The following ERC1 variants were observed in gnomAD, a reference collection of about 807,000 sequenced individuals.
ERC1 encodes ELKS/RAB6-interacting/CAST family member 1, also known as RAB6 interacting protein 2.
ERC1 carries 56 observed loss-of-function variants against 132.0 expected under a neutral mutation model. The observed-to-expected ratio is 0.42, with a 90% CI of 0.34 to 0.53. ERC1 has a LOEUF of 0.53. ERC1 is among the 20% of genes least tolerant of loss of function. The pLI, the probability that ERC1 is intolerant of heterozygous loss-of-function variation, is 0.03. For synonymous variants in ERC1, 478 were observed against 476.1 expected, an observed-to-expected ratio of 1.00 and a Z score of -0.05; for missense variants, 1,202 against 1,349.9, an observed-to-expected ratio of 0.89 and a Z score of 1.72.
intron 18 of ERC1, chr12:1,480,724 AGGTGTGGGAGGG>A (rs1294163374): frequency 7.8e-6 from 5 of 644,938 alleles, no homozygotes; most frequent in Non-Finnish European, 1.4e-5. Context: ...GAAGATAAGC[AGGTGTGGGAGGG>A]GGTGTGGGTA....
chr12:1,323,281 A>T (rs1484486630), intron 15 of ERC1, among the ~76,000 whole-genome samples: 4 of 152,172 alleles, frequency 2.6e-5, no homozygotes, highest in African/African-American at 9.7e-5. Flanking sequence ...TACAACCAAA[A>T]GTATTGTGTT....
intron 16 of ERC1, among the ~76,000 whole-genome samples, chr12:1,385,527 C>CT (rs1566736783): frequency 6.6e-6 from 1 of 152,220 alleles, no homozygotes; most frequent in Non-Finnish European, 1.5e-5. Flanking sequence ...CTCGTGATAA[C>CT]GCCCGCCTCA....
intron 2 of ERC1, among the ~76,000 whole-genome samples, chr12:1,030,391 T>C (rs544054744): frequency 1.4e-3 from 214 of 152,316 alleles, no homozygotes; most frequent in Middle Eastern, 3.4e-3. Flanking sequence ...TTTAGGTCAA[T>C]GATGGACCTC....
chr12:1,435,025 C>T (rs1026877063), intron 17 of ERC1, among the ~76,000 whole-genome samples: 1 of 152,194 alleles, frequency 6.6e-6, no homozygotes, highest in Admixed American at 6.5e-5. Context: ...AGCCGTCTTC[C>T]TCATGTTTGT....
rs368776243 is a variant in ERC1, at chr12:1,157,833, C to T, written c.1737+16046C>T. Among the ~76,000 whole-genome samples the T allele has an allele frequency of 2.0e-5, 3 of 152,142 alleles. No individual in the cohort carries two copies. In the East Asian group the frequency reaches 5.8e-4, roughly 29 times the overall value. ...CCATTGGCTTTAATAAAGTGAAGATCCAAATATCTAAAAAACCATCATGCA... is the reference window on the plus strand; with the variant it reads ...CCATTGGCTTTAATAAAGTGAAGATTCAAATATCTAAAAAACCATCATGCA... On this transcript the variant is annotated intron_variant, in intron 8 of 18. Coordinates refer to ENST00000360905, the MANE Select transcript of ERC1 (RefSeq NM_178040.4).
chr12:1,242,076 A>G (rs1032167237), intron 13 of ERC1, among the ~76,000 whole-genome samples: 1 of 151,140 alleles, frequency 6.6e-6, no homozygotes, highest in African/African-American at 2.4e-5. Flanking sequence ...GGAACTCCTG[A>G]CCTCAGGTGA....
intron 1 of ERC1, among the ~76,000 whole-genome samples, chr12:1,016,725 A>G (rs1215908885): frequency 1.4e-5 from 2 of 144,130 alleles, no homozygotes; most frequent in Non-Finnish European, 3.0e-5. Flanking sequence ...ATCTCGGCTC[A>G]CTGCAACCTC....
At chr12:1,480,836 T>C (rs1281479840) in intron 18 of ERC1, 1 of 702,476 alleles carries the variant, frequency 1.4e-6, no homozygotes, top group South Asian at 1.5e-5. Flanking sequence ...TCCCAACTTA[T>C]CCACAGAATC....
intron 18 of ERC1, among the ~76,000 whole-genome samples, chr12:1,461,515 A>G (rs1039892338): frequency 6.6e-6 from 1 of 152,064 alleles, no homozygotes; most frequent in African/African-American, 2.4e-5. Context: ...TAAAAGTACA[A>G]AAATTAACCT....
intron 18 of ERC1, among the ~76,000 whole-genome samples, chr12:1,467,065 G>T (rs1565494288): frequency 6.6e-6 from 1 of 152,216 alleles, no homozygotes; most frequent in African/African-American, 2.4e-5. Context: ...GGTTGTGATT[G>T]ATGGGATTTC....
At chr12:1,386,317 G>C (rs537774915) in intron 16 of ERC1, among the ~76,000 whole-genome samples, 1 of 151,308 alleles carries the variant, frequency 6.6e-6, no homozygotes, top group Non-Finnish European at 1.5e-5. Flanking sequence ...GATTACAGGC[G>C]CAAACCACTG....
intron 8 of ERC1, among the ~76,000 whole-genome samples, chr12:1,166,675 G>A (rs1294601307): frequency 6.6e-6 from 1 of 152,100 alleles, no homozygotes. Flanking sequence ...TTCTGTTAAT[G>A]TGGTACATTA....
intron 12 of ERC1, among the ~76,000 whole-genome samples, chr12:1,233,013 A>G (rs919534978): frequency 1.3e-5 from 2 of 152,230 alleles, no homozygotes; most frequent in East Asian, 3.8e-4. Context: ...AATAGCCACT[A>G]GAAAATGTAA....
intron 15 of ERC1, among the ~76,000 whole-genome samples, chr12:1,296,401 CTTTTTT>C (rs57458560): frequency 4.6e-4 from 35 of 76,228 alleles, no homozygotes; most frequent in African/African-American, 1.6e-3. Flanking sequence ...ATTGGATAGT[CTTTTTT>C]TTTTTTTTTT....
intron 2 of ERC1, among the ~76,000 whole-genome samples, chr12:1,042,341 T>TTG (rs1419445549): frequency 1.4e-5 from 2 of 140,038 alleles, no homozygotes; most frequent in Non-Finnish European, 3.1e-5. Flanking sequence ...CCGGCCTGTT[T>TTG]TTTTTTTTTT....
intron 15 of ERC1, among the ~76,000 whole-genome samples, chr12:1,336,184 T>C (rs182361233): frequency 6.6e-6 from 1 of 151,950 alleles, no homozygotes; most frequent in Non-Finnish European, 1.5e-5. Context: ...ATTTTATTAA[T>C]TTTTTTTTAA....
At chr12:1,140,695 T>C (rs542757248) in intron 7 of ERC1, among the ~76,000 whole-genome samples, 38 of 152,298 alleles carry the variant, frequency 2.5e-4, no homozygotes, top group African/African-American at 8.9e-4. Flanking sequence ...CCATACTTGA[T>C]TTCTTAGATT....
rs775665998 is a variant in ERC1 at position 1,083,166 on chromosome 12, C to T, written c.672C>T (p.His224=). The part of the protein sequence containing the change: ...QYRVVQEENQ[H]MQMTIQALQD... ...TTTTCTTTTTGTCTTGGTTCTAGCA[C>T]ATGCAGATGACAATCCAGGCTCTCC... is the stretch of plus-strand genomic sequence containing the variant. The change falls in exon 3 of 19, where the codon CAC becomes CAT. Residue 224 remains histidine (H), a splice_region_variant and synonymous_variant. Coordinates refer to ENST00000360905, the MANE Select transcript of ERC1 (RefSeq NM_178040.4). 17 of 1,610,754 alleles carry T rather than the reference C, an allele frequency of 1.1e-5. No individual in the cohort carries two copies. The highest frequency in any genetic ancestry group is 6.6e-5 in the South Asian group (6 of 90,570).
At chr12:1,449,534 C>T (rs1468818823) in intron 18 of ERC1, among the ~76,000 whole-genome samples, 1 of 152,104 alleles carries the variant, frequency 6.6e-6, no homozygotes, top group Non-Finnish European at 1.5e-5. Context: ...TCCGCCTTTG[C>T]CTGGCACTTC....
Sources: gnomAD v4.1 joint callset for allele counts (sites outside exome capture counted in the v4.1 genomes callset) on GRCh38, gnomAD v4.1.1 for gene constraint, MANE v1.5 for transcripts, NCBI Gene and HGNC (gene_info 2026-07-23, HGNC 2026-07-21) for gene names.